CACNA2D3: variants seen among roughly 807,000 people sequenced by gnomAD.
The protein encoded by CACNA2D3 is calcium voltage-gated channel auxiliary subunit alpha2delta 3, also known as voltage-dependent calcium channel subunit alpha-2/delta-3.
CACNA2D3 carries 60 observed loss-of-function variants against 160.6 expected under a neutral mutation model. The observed-to-expected ratio is 0.37, with a 90% CI of 0.30 to 0.46. CACNA2D3 has a LOEUF of 0.46. Among genes scored for constraint, CACNA2D3 ranks in the 20% least tolerant of loss-of-function variants. CACNA2D3 has a pLI of 1.00. For synonymous variants in CACNA2D3, 558 were observed against 492.9 expected (o/e 1.13, Z -1.75); for missense variants, 1,205 against 1,365.0 (o/e 0.88, Z 1.85).
intron 9 of CACNA2D3, among the ~76,000 whole-genome samples, chr3:54,596,148 T>C (rs1001783005): frequency 2.0e-5 from 3 of 151,976 alleles, no homozygotes; most frequent in Admixed American, 1.3e-4. Context: ...TACAAGCCAT[T>C]TTAGGTCCCT....
At chr3:54,385,842 A>G (rs1699178139) in intron 3 of CACNA2D3, 1 of 466,230 alleles carries the variant, frequency 2.1e-6, no homozygotes, top group Non-Finnish European at 4.3e-6. Context: ...CACAGGAGAA[A>G]TAGAAGTGGT....
chr3:54,801,803 G>GA (rs930523771), intron 13 of CACNA2D3, among the ~76,000 whole-genome samples: 4 of 148,108 alleles, frequency 2.7e-5, no homozygotes, highest in African/African-American at 2.5e-5. Flanking sequence ...ACCATTGGAA[G>GA]AAAAAAAAAA....
chr3:54,722,591 C>G (rs1701189156), intron 11 of CACNA2D3, among the ~76,000 whole-genome samples: 1 of 151,998 alleles, frequency 6.6e-6, no homozygotes, highest in Non-Finnish European at 1.5e-5. Context: ...CGGATGGGGT[C>G]TTTGAGGGGA....
chr3:54,218,013 G>C (rs188421699), intron 2 of CACNA2D3, among the ~76,000 whole-genome samples: 1 of 151,882 alleles, frequency 6.6e-6, no homozygotes, highest in Non-Finnish European at 1.5e-5. Context: ...AGGTGTATTC[G>C]GGAGAGAGAG....
At chr3:54,393,669 G>T (rs1699321456) in intron 4 of CACNA2D3, among the ~76,000 whole-genome samples, 1 of 152,260 alleles carries the variant, frequency 6.6e-6, no homozygotes, top group Admixed American at 6.5e-5. Flanking sequence ...AAGGCTTCCT[G>T]TGCCTGAGCT....
chr3:54,325,221 C>T (rs747524517), intron 3 of CACNA2D3, among the ~76,000 whole-genome samples: 2 of 152,160 alleles, frequency 1.3e-5, no homozygotes, highest in Non-Finnish European at 2.9e-5. Flanking sequence ...TGCGTAACCA[C>T]GGACATCTCT....
chr3:54,997,665 A>G (rs1389318157), intron 31 of CACNA2D3, among the ~76,000 whole-genome samples: 1 of 152,080 alleles, frequency 6.6e-6, no homozygotes, highest in Non-Finnish European at 1.5e-5. Context: ...GTTGAAGGCT[A>G]CAGTGAGCTA....
intron 12 of CACNA2D3, among the ~76,000 whole-genome samples, chr3:54,757,412 G>T (rs895594290): frequency 1.8e-4 from 27 of 152,140 alleles, no homozygotes; most frequent in Non-Finnish European, 2.2e-4. Context: ...TCAATAAAAA[G>T]ATTCTTAACC....
At chr3:54,531,341 A>T (rs1701802952) in intron 5 of CACNA2D3, among the ~76,000 whole-genome samples, 1 of 152,176 alleles carries the variant, frequency 6.6e-6, no homozygotes, top group South Asian at 2.1e-4. Context: ...CTCTTGGAGG[A>T]AGTTGATAGG....
intron 11 of CACNA2D3, among the ~76,000 whole-genome samples, chr3:54,680,493 C>G (rs897043845): frequency 6.6e-6 from 1 of 152,220 alleles, no homozygotes; most frequent in Admixed American, 6.5e-5. Flanking sequence ...TGGGTCTTGC[C>G]TGAGGAGACT....
At chr3:54,202,811 T>C (rs1701202724) in intron 2 of CACNA2D3, among the ~76,000 whole-genome samples, 1 of 152,204 alleles carries the variant, frequency 6.6e-6, no homozygotes, top group Non-Finnish European at 1.5e-5. Context: ...TTAATAGTTA[T>C]TAATTGTAGT....
intron 21 of CACNA2D3, among the ~76,000 whole-genome samples, chr3:54,884,841 C>T (rs866277538): frequency 1.2e-4 from 18 of 152,202 alleles, no homozygotes; most frequent in East Asian, 1.9e-4. Context: ...GACTACTATT[C>T]CTGCTTTTCA....
At position 54,389,042 on chromosome 3, in the gene CACNA2D3, C is replaced by T. The variant is rs561351451; in HGVS notation, c.381+2268C>T. ...CAAATGGGCCAGGCTGGGTGGCTCA[C>T]ACCTGTAGTCCCAGCACGTTGGGAG... On this transcript the variant is annotated intron_variant, in intron 4 of 37. Coordinates refer to ENST00000474759, the MANE Select transcript of CACNA2D3 (RefSeq NM_018398.3). Among the ~76,000 whole-genome samples the T allele has an allele frequency of 1.6e-4, 24 of 152,238 alleles. No homozygotes were observed. The East Asian group carries it at 4.6e-3, about 29-fold the overall frequency.
chr3:54,680,823 T>C (rs1221632048), intron 11 of CACNA2D3, among the ~76,000 whole-genome samples: 1 of 152,202 alleles, frequency 6.6e-6, no homozygotes, highest in African/African-American at 2.4e-5. Flanking sequence ...AATGGAGTTA[T>C]AATCAATAAT....
At chr3:54,626,075 C>T in intron 9 of CACNA2D3, 1 of 566,140 alleles carries the variant, frequency 1.8e-6, no homozygotes. Flanking sequence ...CTGGTGACTC[C>T]CCCTGCCAGT....
Position 54,458,945 on chromosome 3 carries a change from C to A in CACNA2D3, c.382-44547C>A, listed in dbSNP as rs1218872924. ...AACTTCCCCCACCCCACAACAGGCC[C>A]CAGAGTGTGATGTTCCCCTTCCTGT... On this transcript the variant is annotated intron_variant, in intron 4 of 37. Transcript: ENST00000474759. Among the ~76,000 whole-genome samples, 4 of 152,008 alleles carry A rather than the reference C, an allele frequency of 2.6e-5. No individual in the cohort carries two copies. In the East Asian group the frequency reaches 7.7e-4, roughly 29 times the overall value.
At position 54,809,464 on chromosome 3, in the gene CACNA2D3, G is replaced by A. The variant is rs542927265; in HGVS notation, c.1381-7389G>A. On this transcript the variant is annotated intron_variant, in intron 13 of 37. Coordinates refer to ENST00000474759, the MANE Select transcript of CACNA2D3 (RefSeq NM_018398.3). ...CTCCCGAGTAGCTGGGACTACAGGC[G>A]CCCGCCACCGCGCCCGGCTAATTTT... Among the ~76,000 whole-genome samples, 106 of 143,692 alleles carry A rather than the reference G, an allele frequency of 7.4e-4. 1 individual carries two copies. The highest frequency in any genetic ancestry group is 1.3e-3 in the Non-Finnish European group (89 of 66,980). The allele number at this position is 143,692 out of a possible 152,430, so 94.3% of individuals were successfully genotyped here.
At position 55,018,318 on chromosome 3, in the gene CACNA2D3, G is replaced by A; in HGVS notation, c.2987+1G>A. On this transcript the variant is annotated splice_donor_variant, in intron 35 of 37. Coordinates refer to ENST00000474759, the MANE Select transcript of CACNA2D3 (RefSeq NM_018398.3). LOFTEE classifies it high-confidence loss of function. ...ATATTGCTTGTGAAGACTGCTCCAA[G>A]TAAGCCATCCCCCCACCCTCTAACC... 6.3e-7 allele frequency: 1 copy of A among 1,584,102 alleles called. No homozygotes were observed.
chr3:54,417,803 G>A (rs1230487067), intron 4 of CACNA2D3, among the ~76,000 whole-genome samples: 3 of 145,778 alleles, frequency 2.1e-5, no homozygotes, highest in Non-Finnish European at 3.0e-5. Flanking sequence ...TGTGGGGGGG[G>A]GGGTGGGGGG....
Sources: allele counts gnomAD v4.1 joint callset (sites outside exome capture counted in the v4.1 genomes callset), GRCh38; gene constraint gnomAD v4.1.1; transcripts MANE v1.5; gene names NCBI Gene and HGNC (gene_info 2026-07-23, HGNC 2026-07-21).